ARAP2: variants seen among roughly 807,000 people sequenced by gnomAD.
ARAP2 encodes arf-GAP with Rho-GAP domain, ANK repeat and PH domain-containing protein 2.
A neutral mutation model predicts 194.5 loss-of-function variants in ARAP2; 148 were observed. That is an observed-to-expected ratio of 0.76 (90% CI 0.67 to 0.87). The LOEUF (loss-of-function observed/expected upper bound fraction) is 0.87, where lower values mean the gene tolerates loss of function less well. ARAP2 is among the 40% of genes least tolerant of loss of function. ARAP2 has a pLI of 0.00. For synonymous variants in ARAP2, 695 were observed against 683.5 expected, an observed-to-expected ratio of 1.02 and a Z score of -0.26; for missense variants, 2,128 against 1,989.7, an observed-to-expected ratio of 1.07 and a Z score of -1.32.
At chr4:36,100,767 T>G (rs1167359024) in intron 27 of ARAP2, among the ~76,000 whole-genome samples, 9 of 152,046 alleles carry the variant, frequency 5.9e-5, no homozygotes, top group Admixed American at 5.9e-4. Context: ...ACTTTCTTTT[T>G]TTAATTAACA....
At chr4:36,083,497 C>A in intron 28 of ARAP2, 47 bp from the exon 29 acceptor site, 1 of 1,307,644 alleles carries the variant, frequency 7.6e-7, no homozygotes, top group Non-Finnish European at 1.1e-6. Context: ...TTACACATTT[C>A]CTTACATTTT....
chr4:36,193,663 A>C lies in ARAP2; in HGVS notation c.1488-16T>G, dbSNP rs756610847. ...CATGCGTTTTCTGCAAAACATATGA[A>C]ATTGTTATTTTACATTCAAGTAACA... On this transcript the variant is annotated splice_polypyrimidine_tract_variant and intron_variant, in intron 6 of 32. Transcript: ENST00000303965. The C allele has an allele frequency of 1.3e-6, 2 of 1,587,464 alleles. No individual in the cohort carries two copies. Among genetic ancestry groups the C allele is most frequent in the Non-Finnish European group, 1.7e-6 (2 of 1,164,566 alleles).
At chr4:36,195,021 C>T (rs549133201) in intron 6 of ARAP2, among the ~76,000 whole-genome samples, 143 of 151,940 alleles carry the variant, frequency 9.4e-4, no homozygotes, top group Non-Finnish European at 1.8e-3. Flanking sequence ...AAAAAAATAG[C>T]CAGGCATGGT....
intron 1 of ARAP2, among the ~76,000 whole-genome samples, chr4:36,060,303 G>T (rs1239730642): frequency 6.6e-6 from 1 of 152,120 alleles, no homozygotes. Flanking sequence ...CTTGATATGA[G>T]AACTCGAGTC....
rs775046296 is a variant in ARAP2 at position 36,193,638 on chromosome 4, C to T, written c.1497G>A (p.Met499Ile). The change falls in exon 7 of 33, where the codon ATG becomes ATA. Residue 499 changes from methionine (M) to isoleucine (I), a missense_variant. By Grantham distance (10) the Met-to-Ile change is conservative. Coordinates refer to ENST00000303965, the MANE Select transcript of ARAP2 (RefSeq NM_015230.4). The part of the protein sequence containing the change: ...LDKLSPQGKR[M>I]FQKRWVKFDG... ...CAAATTTCACCCATCTCTTTTGAAA[C>T]ATGCGTTTTCTGCAAAACATATGAA... 6.2e-7 allele frequency: 1 copy of T among 1,602,202 alleles called. No individual in the cohort carries two copies. The highest frequency in any genetic ancestry group is 1.1e-5 in the South Asian group (1 of 87,790).
chr4:36,049,446 C>T (rs1328734839), intron 3 of ARAP2, among the ~76,000 whole-genome samples: 1 of 152,170 alleles, frequency 6.6e-6, no homozygotes, highest in African/African-American at 2.4e-5. Flanking sequence ...TTGAAAATGA[C>T]TGCCACAGGC....
At chr4:36,035,895 A>G (rs755290417) in intron 5 of ARAP2, among the ~76,000 whole-genome samples, 1 of 152,192 alleles carries the variant, frequency 6.6e-6, no homozygotes, top group Non-Finnish European at 1.5e-5. Context: ...TGAAAATACA[A>G]TTATTTCTCA....
At chr4:36,070,204 A>C (rs140739072) in intron 32 of ARAP2, among the ~76,000 whole-genome samples, 274 of 152,294 alleles carry the variant, frequency 1.8e-3, no homozygotes, top group African/African-American at 6.3e-3. Flanking sequence ...GATGTGATAG[A>C]AGTGAACTGT....
intron 9 of ARAP2, among the ~76,000 whole-genome samples, chr4:36,172,212 G>T (rs1736816479): frequency 6.6e-6 from 1 of 152,194 alleles, no homozygotes; most frequent in African/African-American, 2.4e-5. Flanking sequence ...CCACTGCAAG[G>T]GTGGTACAAT....
intron 8 of ARAP2, among the ~76,000 whole-genome samples, chr4:36,179,957 G>A (rs1578186943): frequency 6.6e-6 from 1 of 152,264 alleles, no homozygotes. Flanking sequence ...TTTATTGCAG[G>A]TGTTACATAA....
chr4:36,018,411 C>T (rs1248071260), intron 6 of ARAP2, among the ~76,000 whole-genome samples: 1 of 148,478 alleles, frequency 6.7e-6, no homozygotes, highest in Non-Finnish European at 1.5e-5. Context: ...AACCACCATA[C>T]TTCACAGAAT....
At chr4:36,117,221 G>T in intron 24 of ARAP2, 86 bp from the exon 25 acceptor site, 1 of 894,218 alleles carries the variant, frequency 1.1e-6, no homozygotes, top group Non-Finnish European at 1.6e-6. Flanking sequence ...TAAAGCCCCA[G>T]TCATATTTCT....
At chr4:36,038,135 T>C (rs1577619836) in intron 5 of ARAP2, among the ~76,000 whole-genome samples, 1 of 152,190 alleles carries the variant, frequency 6.6e-6, no homozygotes, top group South Asian at 2.1e-4. Flanking sequence ...AGACAACCAC[T>C]AATACCTTAG....
At chr4:36,014,273 GAAAGAAAGAA>G (rs1715203372) in intron 8 of ARAP2, among the ~76,000 whole-genome samples, 1 of 138,572 alleles carries the variant, frequency 7.2e-6, no homozygotes, top group Non-Finnish European at 1.6e-5. Flanking sequence ...AAGAAAGAAA[GAAAGAAAGAA>G]AGAAAGAAAG....
Position 36,210,688 on chromosome 4 carries a change from T to C in ARAP2, c.1189A>G (p.Ile397Val). Residue 397 changes from isoleucine to valine, a missense_variant, in exon 6 of 33, where the codon ATA becomes GTA. Coordinates refer to ENST00000303965, the MANE Select transcript of ARAP2 (RefSeq NM_015230.4). ...ISEDKVEDIW[I>V]PREDKNNFLI... ...AAATTGTTTTTGTCCTCTCGAGGTA[T>C]CCAAATATCTTCCACCTTGTCCTCG... is the stretch of plus-strand genomic sequence containing the variant. The C allele has an allele frequency of 6.2e-7, 1 of 1,612,452 alleles. No homozygotes were observed. The highest frequency in any genetic ancestry group is 1.1e-5 in the South Asian group (1 of 90,794).
chr4:36,237,453 G>C (rs767198595), intron 1 of ARAP2, among the ~76,000 whole-genome samples: 10 of 152,318 alleles, frequency 6.6e-5, no homozygotes, highest in Non-Finnish European at 1.5e-4. Flanking sequence ...CCTCGCAGTG[G>C]GAAGTCATGG....
intron 2 of ARAP2, among the ~76,000 whole-genome samples, chr4:36,227,168 T>A (rs1750510053): frequency 6.6e-6 from 1 of 152,140 alleles, no homozygotes; most frequent in Non-Finnish European, 1.5e-5. Context: ...ACCCATGTGA[T>A]CTTGGAGAAA....
chr4:36,121,431 C>T, intron 22 of ARAP2, 105 bp from the exon 23 acceptor site: 1 of 1,072,760 alleles, frequency 9.3e-7, no homozygotes, highest in Admixed American at 2.7e-5. Context: ...TTGGAATTCT[C>T]TGACATAAAA....
chr4:36,043,108 G>T (rs1337601300), intron 5 of ARAP2, among the ~76,000 whole-genome samples: 2 of 152,086 alleles, frequency 1.3e-5, no homozygotes, highest in East Asian at 3.9e-4. Context: ...CTCCCAAAGT[G>T]CTGGGATTAC....
Sources: gnomAD v4.1 joint callset for allele counts (sites outside exome capture counted in the v4.1 genomes callset) on GRCh38, gnomAD v4.1.1 for gene constraint, MANE v1.5 for transcripts, NCBI Gene and HGNC (gene_info 2026-07-23, HGNC 2026-07-21) for gene names.